Variants in RBM17 observed in about 807,000 individuals in gnomAD.
RBM17 encodes splicing factor 45.
In RBM17, 7 loss-of-function variants were observed where a neutral mutation model predicts 53.2. The ratio of observed to expected loss-of-function variants is 0.13; its 90% CI spans 0.07 to 0.25. The LOEUF is 0.25. RBM17 is among the 10% of genes least tolerant of loss of function. The pLI is 1.00. For missense variants in RBM17, 257 were observed against 496.7 expected, an observed-to-expected ratio of 0.52 and a Z score of 4.59; for synonymous variants, 167 against 178.1, an observed-to-expected ratio of 0.94 and a Z score of 0.50.
chr10:6,100,373 G>A (rs1287554116), intron 2 of RBM17, among the ~76,000 whole-genome samples: 4 of 152,178 alleles, frequency 2.6e-5, no homozygotes, highest in Admixed American at 2.6e-4. Context: ...TGCAGGAAGG[G>A]GCACACTGCC....
intron 10 of RBM17, 81 bp from the exon 11 acceptor site, chr10:6,115,158 T>C: frequency 9.3e-7 from 1 of 1,071,704 alleles, no homozygotes; most frequent in Non-Finnish European, 1.4e-6. Flanking sequence ...GAATATCCAC[T>C]CTGAGAAATC....
In RBM17 at chr10:6,113,561, A is replaced by T. The variant is rs1840870156; in HGVS notation, c.910A>T (p.Thr304Ser). 1 of 1,612,908 alleles carries T rather than the reference A, an allele frequency of 6.2e-7. No individual in the cohort carries two copies. The highest frequency in any genetic ancestry group is 8.5e-7 in the Non-Finnish European group (1 of 1,179,044). The change falls in exon 9 of 12, where the codon ACT becomes TCT. Residue 304 changes from threonine to serine, a missense_variant. Physicochemically the swap from Thr to Ser is moderately conservative, Grantham distance 58 (BLOSUM62 1). Around this residue, in one of 6 missense-constraint regions of RBM17, gnomAD observed 49 missense variants for 114.8 expected, o/e 0.43. Transcript: ENST00000379888. ...GCTGACTGAAATACTTAAGTGTCCT[A>T]CTAAAGTGGTCTTACTAAGGGTAAG... ...NPLTEILKCP[T>S]KVVLLRNMVG...
intron 5 of RBM17, chr10:6,108,435 A>G (rs998483977): frequency 6.1e-6 from 3 of 489,106 alleles, no homozygotes; most frequent in East Asian, 7.0e-5. Flanking sequence ...TGCAGACTAC[A>G]TTGTGGGGCT....
rs1253750898 is a variant in RBM17 at position 6,089,367 on chromosome 10, T to C, written c.-19+174T>C. ...TCTCAGTCCCCGCGGCGGGCGCTGG[T>C]CTCTCCACGCGGCTGCGGCCCGGTA... On this transcript the variant is annotated intron_variant, in intron 1 of 11. Transcript: ENST00000379888. The surrounding 1 kb of genome is among the most constrained non-coding windows in gnomAD (Gnocchi z 5.6). 3 of 152,112 alleles carry C rather than the reference T, an allele frequency of 2.0e-5. No homozygotes were observed. Among genetic ancestry groups the C allele is most frequent in the Non-Finnish European group, 4.4e-5 (3 of 68,034 alleles). 9.4% of individuals were successfully genotyped at this position (152,112 alleles called of 1,614,324 possible). A position where few individuals can be genotyped will look rare whatever the true frequency, so the allele number is the denominator to read the frequency against.
At chr10:6,103,499 G>A (rs1840699788) in intron 3 of RBM17, among the ~76,000 whole-genome samples, 1 of 152,104 alleles carries the variant, frequency 6.6e-6, no homozygotes. Flanking sequence ...TTGAGTGGCT[G>A]GTTGTCATTT....
Position 6,108,694 on chromosome 10 carries a change from G to A in RBM17, c.514G>A (p.Gly172Arg), listed in dbSNP as rs1211208175. 1 of 1,612,048 alleles carries A rather than the reference G, an allele frequency of 6.2e-7. No individual in the cohort carries two copies. Among genetic ancestry groups the A allele is most frequent in the Admixed American group, 1.7e-5 (1 of 59,990 alleles). Residue 172 changes from glycine (G) to arginine (R), a missense_variant, in exon 6 of 12, where the codon GGA becomes AGA. Physicochemically the swap from Gly to Arg is moderately radical, Grantham distance 125. Around this residue, in one of 6 missense-constraint regions of RBM17, gnomAD observed 127 missense variants for 217.2 expected, o/e 0.58. Transcript: ENST00000379888. ...GATTTGTGGTTTTGCAGGTATGGGC[G>A]GAGCTGCCATTGCCCCACCCACTTC... Reference protein sequence around the residue: ...ERERRKRSMGGAAIAPPTSLV... With the variant: ...ERERRKRSMGRAAIAPPTSLV...
At chr10:6,103,118 T>A (rs1840693857) in intron 3 of RBM17, among the ~76,000 whole-genome samples, 1 of 152,130 alleles carries the variant, frequency 6.6e-6, no homozygotes, top group African/African-American at 2.4e-5. Context: ...TACAGAGATG[T>A]TTCTATGTAA....
intron 1 of RBM17, among the ~76,000 whole-genome samples, chr10:6,091,298 ATCC>A (rs1840481282): frequency 1.3e-5 from 2 of 152,016 alleles, no homozygotes; most frequent in South Asian, 4.1e-4. Context: ...ATCTCAAGTG[ATCC>A]TCCTGCCTCG....
Position 6,104,857 on chromosome 10 carries a change from G to T in RBM17, c.241-74G>T. ...TTCAGAGTCCTTTTATCTCCCATACGCTTTGACCTGAATCCTGTGAGTAAA... is the reference window on the plus strand; with the variant it reads ...TTCAGAGTCCTTTTATCTCCCATACTCTTTGACCTGAATCCTGTGAGTAAA... On this transcript the variant is annotated intron_variant, in intron 3 of 11. Transcript: ENST00000379888. 4 of 1,301,860 alleles carry T rather than the reference G, an allele frequency of 3.1e-6. No homozygotes were observed. The South Asian group carries it at 5.2e-5, about 17-fold the overall frequency. The allele number at this position is 1,301,860 out of a possible 1,614,324, so 80.6% of individuals were successfully genotyped here.
chr10:6,116,533 A>G lies in RBM17; in HGVS notation c.*977A>G, dbSNP rs1247343279. On this transcript the variant is annotated 3_prime_UTR_variant, in exon 12 of 12. Transcript: ENST00000379888. ...AAAATTTATCAGGACCACAAAAAAGAAAACAAAAATATTTGGTACTGAGGT... is the reference window on the plus strand; with the variant it reads ...AAAATTTATCAGGACCACAAAAAAGGAAACAAAAATATTTGGTACTGAGGT... 1 of 152,510 alleles carries G rather than the reference A, an allele frequency of 6.6e-6. No individual in the cohort carries two copies. Among genetic ancestry groups the G allele is most frequent in the East Asian group, 1.9e-4 (1 of 5,330 alleles). The allele number at this position is 152,510 out of a possible 1,614,324, so 9.4% of individuals were successfully genotyped here. A position where few individuals can be genotyped will look rare whatever the true frequency, so the allele number is the denominator to read the frequency against.
At chr10:6,094,841 A>G (rs1840548609) in intron 1 of RBM17, among the ~76,000 whole-genome samples, 2 of 152,186 alleles carry the variant, frequency 1.3e-5, no homozygotes, top group Admixed American at 1.3e-4. Flanking sequence ...GAAATTTCTA[A>G]TTGAGAGGGC....
Position 6,116,836 on chromosome 10 carries a change from T to C in RBM17, c.*1280T>C, listed in dbSNP as rs1366119742. On this transcript the variant is annotated 3_prime_UTR_variant, in exon 12 of 12. Coordinates refer to ENST00000379888, the MANE Select transcript of RBM17 (RefSeq NM_032905.5). ...TAAATAAAAGAATAACATTTTATCT[T>C]TTGTGGTATTATTTTATTGAATAAA... 1 of 152,302 alleles carries C rather than the reference T, an allele frequency of 6.6e-6. No individual in the cohort carries two copies. Among genetic ancestry groups the C allele is most frequent in the Non-Finnish European group, 1.5e-5 (1 of 68,028 alleles). The allele number at this position is 152,302 out of a possible 1,614,324, so 9.4% of individuals were successfully genotyped here.
At chr10:6,091,119 G>C (rs970415058) in intron 1 of RBM17, among the ~76,000 whole-genome samples, 3 of 150,934 alleles carry the variant, frequency 2.0e-5, no homozygotes, top group African/African-American at 7.3e-5. Flanking sequence ...GAGTGCAGCG[G>C]TGTAAGTCGG....
intron 3 of RBM17, among the ~76,000 whole-genome samples, chr10:6,102,209 AG>A (rs1156301138): frequency 6.6e-6 from 1 of 152,250 alleles, no homozygotes; most frequent in Non-Finnish European, 1.5e-5. Context: ...AATGACCAAA[AG>A]ATTAATAATA....
Position 6,110,081 on chromosome 10 carries a change from C to A in RBM17, c.658C>A (p.Pro220Thr). 1 of 1,611,534 alleles carries A rather than the reference C, an allele frequency of 6.2e-7. No homozygotes were observed. The highest frequency in any genetic ancestry group is 8.5e-7 in the Non-Finnish European group (1 of 1,178,564). The change falls in exon 7 of 12, where the codon CCG (proline) becomes ACG (threonine). Residue 220 changes from proline (P) to threonine (T), a missense_variant. Coordinates refer to ENST00000379888, the MANE Select transcript of RBM17 (RefSeq NM_032905.5). ...PPPVYEEQDR[P>T]RSPTGPSNSF... Reference sequence around the variant, plus strand: ...CCCAGTGTACGAGGAACAAGACAGACCGAGATCTCCAACCGGACCTAGCAA... The same window carrying A: ...CCCAGTGTACGAGGAACAAGACAGAACGAGATCTCCAACCGGACCTAGCAA...
intron 1 of RBM17, among the ~76,000 whole-genome samples, chr10:6,092,394 G>A (rs1840500087): frequency 6.6e-6 from 1 of 152,168 alleles, no homozygotes; most frequent in South Asian, 2.1e-4. Context: ...TATATTAAAT[G>A]CTTAATATAG....
intron 8 of RBM17, 41 bp from the exon 9 acceptor site, chr10:6,113,467 G>C: frequency 7.4e-7 from 1 of 1,347,914 alleles, no homozygotes; most frequent in Non-Finnish European, 1.1e-6. Flanking sequence ...ATGATATGCT[G>C]CTCAGTTCTG....
chr10:6,095,832 CG>C (rs1840564518), intron 1 of RBM17, among the ~76,000 whole-genome samples: 1 of 152,038 alleles, frequency 6.6e-6, no homozygotes. Flanking sequence ...GGTGTTGGGG[CG>C]GCAGGGTCTT....
rs141897261 is a variant in RBM17, at chr10:6,095,380, T to G, written c.-18-1668T>G. 1.6e-4 allele frequency among the ~76,000 whole-genome samples: 24 copies of G among 152,172 alleles called. No individual in the cohort carries two copies. The East Asian group carries it at 4.6e-3, about 29-fold the overall frequency. ...GGCACCCACCACCACGCCCAGCTAA[T>G]TTTTGTATTTTTAATAGAGACAGGT... On this transcript the variant is annotated intron_variant, in intron 1 of 11. Coordinates refer to ENST00000379888, the MANE Select transcript of RBM17 (RefSeq NM_032905.5).
Sources: gnomAD v4.1 joint callset for allele counts (sites outside exome capture counted in the v4.1 genomes callset) on GRCh38, gnomAD v4.1.1 for gene constraint, gnomAD v4.1.1 regional missense constraint, Gnocchi (gnomAD v3.1) non-coding constraint, MANE v1.5 for transcripts, NCBI Gene and HGNC (gene_info 2026-07-23, HGNC 2026-07-21) for gene names.